Variants in LRP2 observed in about 807,000 individuals in gnomAD.
LRP2 encodes LDL receptor related protein 2.
Under a neutral mutation model 531.0 loss-of-function variants are expected in LRP2, and 172 were observed. The observed-to-expected ratio is 0.32, with a 90% CI of 0.29 to 0.37. LRP2 has a LOEUF of 0.37. Among genes scored for constraint, LRP2 ranks in the 10% least tolerant of loss-of-function variants. The probability of loss-of-function intolerance (pLI) is 1.00; values close to 1 mark genes in which losing one functional copy is unlikely to be tolerated. For missense variants in LRP2, 5,167 were observed against 5,868.3 expected, an observed-to-expected ratio of 0.88 and a Z score of 3.90; for synonymous variants, 1,992 against 2,027.6, an observed-to-expected ratio of 0.98 and a Z score of 0.47.
intron 16 of LRP2, among the ~76,000 whole-genome samples, chr2:169,264,169 C>T (rs1690695317): frequency 6.6e-6 from 1 of 151,940 alleles, no homozygotes; most frequent in Non-Finnish European, 1.5e-5. Flanking sequence ...GGGTGCAGCG[C>T]ACCAGCATGG....
At chr2:169,227,023 A>G (rs1233599379) in intron 31 of LRP2, among the ~76,000 whole-genome samples, 1 of 152,214 alleles carries the variant, frequency 6.6e-6, no homozygotes, top group Non-Finnish European at 1.5e-5. Flanking sequence ...TGTGAAAGGC[A>G]GCTTACTAGT....
In LRP2 at chr2:169,277,748, T is replaced by A. The variant is rs1251621279; in HGVS notation, c.1769A>T (p.Gln590Leu). 1 of 1,613,810 alleles carries A rather than the reference T, an allele frequency of 6.2e-7. No individual in the cohort carries two copies. The highest frequency in any genetic ancestry group is 8.5e-7 in the Non-Finnish European group (1 of 1,179,816). ...AGCCATAAAAAATACTTCTTACCTT[T>A]GAATTCCATCATAAGTTACAGTTTC... The part of the protein sequence containing the change: ...YIETVTYDGI[Q>L]RKTVVHGGSL... The change falls in exon 13 of 79, where the codon CAA becomes CTA. Residue 590 changes from glutamine to leucine, a missense_variant. Gln to Leu is a moderately radical substitution (Grantham distance 113). Transcript: ENST00000649046.
At chr2:169,236,768 C>T (rs957913137) in intron 28 of LRP2, among the ~76,000 whole-genome samples, 1 of 152,160 alleles carries the variant, frequency 6.6e-6, no homozygotes, top group Non-Finnish European at 1.5e-5. Context: ...ATCAAAGTTA[C>T]ATCAAACTGG....
At chr2:169,320,623 A>C (rs138960359) in intron 2 of LRP2, among the ~76,000 whole-genome samples, 154 bp downstream of exon 2, 9 of 152,332 alleles carry the variant, frequency 5.9e-5, no homozygotes, top group African/African-American at 1.9e-4. Context: ...TAATGCCATC[A>C]GTTCTCTATT....
chr2:169,152,807 C>G lies in LRP2; in HGVS notation c.12453G>C (p.Trp4151Cys), dbSNP rs886055079. 1 of 1,613,858 alleles carries G rather than the reference C, an allele frequency of 6.2e-7. No individual in the cohort carries two copies. The highest frequency in any genetic ancestry group is 8.5e-7 in the Non-Finnish European group (1 of 1,179,886). ...ATGTATGGCAAATTTACCTTCCAAC[C>G]CAGTCCACTGCTATTCCATCTGGCT... ...VMQPDGIAVD[W>C]VGRHIYWSDV... The change falls in exon 67 of 79, where the codon TGG becomes TGC. Residue 4151 changes from tryptophan (W) to cysteine (C), a missense_variant. By Grantham distance (215) the Trp-to-Cys change is radical. Transcript: ENST00000649046.
chr2:169,248,564 T>C (rs570860591), intron 19 of LRP2, among the ~76,000 whole-genome samples: 4 of 152,248 alleles, frequency 2.6e-5, no homozygotes, highest in Admixed American at 1.3e-4. Context: ...ACACAATTTC[T>C]ATGGTGTTGC....
At chr2:169,315,655 C>T (rs1485443205) in intron 3 of LRP2, among the ~76,000 whole-genome samples, 1 of 152,128 alleles carries the variant, frequency 6.6e-6, no homozygotes, top group Non-Finnish European at 1.5e-5. Flanking sequence ...CCACTGTAAA[C>T]CGTGTTAGGG....
intron 3 of LRP2, among the ~76,000 whole-genome samples, chr2:169,311,772 G>A (rs1684604694): frequency 6.6e-6 from 1 of 152,124 alleles, no homozygotes; most frequent in Non-Finnish European, 1.5e-5. Context: ...TTTCTGTCTC[G>A]TGGATCTGTC....
intron 48 of LRP2, among the ~76,000 whole-genome samples, chr2:169,188,563 A>G (rs985603557): frequency 2.0e-5 from 3 of 152,232 alleles, no homozygotes; most frequent in East Asian, 1.9e-4. Context: ...TAGTAGGTCT[A>G]TAGCTATTAA....
intron 55 of LRP2, 80 bp from the exon 56 acceptor site, chr2:169,174,244 T>C (rs1687105946): frequency 2.6e-6 from 4 of 1,547,166 alleles, no homozygotes; most frequent in Middle Eastern, 1.7e-4. Flanking sequence ...GAATCCTGGA[T>C]AGCAGGATCA....
In LRP2 at chr2:169,234,345, G is replaced by A. The variant is rs187062234; in HGVS notation, c.4921-757C>T. On this transcript the variant is annotated intron_variant, in intron 29 of 78. Coordinates refer to ENST00000649046, the MANE Select transcript of LRP2 (RefSeq NM_004525.3). The stretch of plus-strand genomic sequence containing the variant: ...CGGTGTGTGATGTTCCCCTCCCTGT[G>A]TCCATGTGTTCTCATTGTTCAACTC... Among the ~76,000 whole-genome samples the A allele has an allele frequency of 3.6e-3, 546 of 152,056 alleles. 3 individuals carry two copies. The highest frequency in any genetic ancestry group is 0.013 in the African/African-American group (521 of 41,466).
rs543100603 is a variant in LRP2 at position 169,329,278 on chromosome 2, C to G, written c.80-8394G>C. 7.2e-5 allele frequency among the ~76,000 whole-genome samples: 11 copies of G among 152,312 alleles called. No individual in the cohort carries two copies. In the South Asian group the frequency reaches 2.3e-3, roughly 32 times the overall value. ...ACTTGACAGGCCAGGCGTGATCACT[C>G]ACGCCTGTAATCCCAGCACTTTGGG... On this transcript the variant is annotated intron_variant, in intron 1 of 78. Transcript: ENST00000649046.
At chr2:169,160,280 C>A (rs1472235779) in intron 63 of LRP2, among the ~76,000 whole-genome samples, 1 of 152,054 alleles carries the variant, frequency 6.6e-6, no homozygotes, top group Non-Finnish European at 1.5e-5. Context: ...GCTCTTACCA[C>A]AAAAATAATT....
At chr2:169,228,479 TA>T (rs759961182) in intron 31 of LRP2, among the ~76,000 whole-genome samples, 8 of 152,210 alleles carry the variant, frequency 5.3e-5, no homozygotes, top group Non-Finnish European at 1.0e-4. Flanking sequence ...CTCACTTACG[TA>T]AGATCTGATC....
intron 3 of LRP2, among the ~76,000 whole-genome samples, chr2:169,308,547 G>T (rs555394847): frequency 1.1e-4 from 16 of 152,232 alleles, no homozygotes; most frequent in East Asian, 7.7e-4. Context: ...ACAAAGGACA[G>T]GAACTCATCC....
At chr2:169,129,892 C>G (rs1423481377) in intron 77 of LRP2, among the ~76,000 whole-genome samples, 1 of 152,200 alleles carries the variant, frequency 6.6e-6, no homozygotes, top group East Asian at 1.9e-4. Context: ...AGGGAACAGA[C>G]AGCCTACTCT....
intron 77 of LRP2, among the ~76,000 whole-genome samples, chr2:169,130,538 G>A (rs534211782): frequency 3.9e-5 from 6 of 152,202 alleles, no homozygotes; most frequent in Admixed American, 1.3e-4. Flanking sequence ...CACCCACCTC[G>A]GCCTCCCAAA....
chr2:169,334,999 C>T (rs1184842932), intron 1 of LRP2, among the ~76,000 whole-genome samples: 2 of 152,144 alleles, frequency 1.3e-5, no homozygotes, highest in Non-Finnish European at 2.9e-5. Context: ...ATCTAAGCCA[C>T]CTTGCTTGGT....
At chr2:169,140,615 G>C (rs762793934) in intron 71 of LRP2, 70 bp from the exon 72 acceptor site, 2 of 1,232,286 alleles carry the variant, frequency 1.6e-6, no homozygotes, top group African/African-American at 1.5e-5. Flanking sequence ...CATGCAAACC[G>C]GCCCAGGTTA....
Sources: allele counts gnomAD v4.1 joint callset (sites outside exome capture counted in the v4.1 genomes callset), GRCh38; gene constraint gnomAD v4.1.1; transcripts MANE v1.5; gene names NCBI Gene and HGNC (gene_info 2026-07-23, HGNC 2026-07-21).